Variants in CACHD1 observed in about 807,000 individuals in gnomAD.
The protein encoded by CACHD1 is VWFA and cache domain-containing protein 1.
CACHD1 carries 71 observed loss-of-function variants against 138.7 expected under a neutral mutation model. The ratio of observed to expected loss-of-function variants is 0.51; its 90% CI spans 0.42 to 0.62. The LOEUF (loss-of-function observed/expected upper bound fraction) is 0.62, where lower values mean the gene tolerates loss of function less well. CACHD1 is among the 20% of genes least tolerant of loss of function. CACHD1 has a pLI of 0.00. For synonymous variants in CACHD1, 578 were observed against 591.5 expected, an observed-to-expected ratio of 0.98 and a Z score of 0.33; for missense variants, 1,389 against 1,625.3, an observed-to-expected ratio of 0.85 and a Z score of 2.50.
intron 16 of CACHD1, among the ~76,000 whole-genome samples, chr1:64,667,883 G>A (rs1649687116): frequency 6.6e-6 from 1 of 152,226 alleles, no homozygotes; most frequent in Non-Finnish European, 1.5e-5. Context: ...GGCAAGGGTA[G>A]GGGCAGATGT....
intron 4 of CACHD1, among the ~76,000 whole-genome samples, chr1:64,612,776 G>C (rs1647579138): frequency 6.6e-6 from 1 of 152,228 alleles, no homozygotes; most frequent in Admixed American, 6.5e-5. Flanking sequence ...TGTGCCAGGA[G>C]ATTAATGTTG....
At chr1:64,509,763 A>G (rs984708810) in intron 1 of CACHD1, among the ~76,000 whole-genome samples, 2 of 152,158 alleles carry the variant, frequency 1.3e-5, no homozygotes, top group African/African-American at 4.8e-5. Flanking sequence ...ATATTGTGAC[A>G]TTTGCATCCC....
intron 1 of CACHD1, among the ~76,000 whole-genome samples, chr1:64,534,503 C>A (rs1028844973): frequency 2.6e-5 from 4 of 152,222 alleles, no homozygotes; most frequent in African/African-American, 9.7e-5. Flanking sequence ...CACATCAGGC[C>A]TTAATAATAT....
At chr1:64,546,178 C>T (rs528789749) in intron 1 of CACHD1, among the ~76,000 whole-genome samples, 6 of 152,154 alleles carry the variant, frequency 3.9e-5, no homozygotes, top group South Asian at 4.1e-4. Context: ...TTTAGCCCTC[C>T]GGGGAGTTGG....
Position 64,692,187 on chromosome 1 carries a change from G to A in CACHD1, c.*626G>A, listed in dbSNP as rs1009259742. On this transcript the variant is annotated 3_prime_UTR_variant, in exon 27 of 27. Coordinates refer to ENST00000651257, the MANE Select transcript of CACHD1 (RefSeq NM_020925.4). ...AGGAGAAGTTTTCAGCAGTTGCCCCGAGCTGTTTTGTGTGTAATGAAGTGG... is the reference window on the plus strand; with the variant it reads ...AGGAGAAGTTTTCAGCAGTTGCCCCAAGCTGTTTTGTGTGTAATGAAGTGG... 2.6e-5 allele frequency: 4 copies of A among 153,636 alleles called. No individual in the cohort carries two copies. Among genetic ancestry groups the A allele is most frequent in the South Asian group, 2.0e-4 (1 of 4,892 alleles). 9.5% of individuals were successfully genotyped at this position (153,636 alleles called of 1,614,324 possible).
chr1:64,594,995 T>C (rs571925663), intron 3 of CACHD1, among the ~76,000 whole-genome samples: 1 of 152,358 alleles, frequency 6.6e-6, no homozygotes, highest in South Asian at 2.1e-4. Context: ...ATAGTATTCC[T>C]TTTGTAGAAT....
chr1:64,518,244 G>A (rs945308629), intron 1 of CACHD1, among the ~76,000 whole-genome samples: 1 of 152,092 alleles, frequency 6.6e-6, no homozygotes, highest in African/African-American at 2.4e-5. Context: ...AGCACACATG[G>A]GGATGGAAAA....
chr1:64,612,309 T>C (rs1211382886), intron 4 of CACHD1, among the ~76,000 whole-genome samples: 1 of 152,214 alleles, frequency 6.6e-6, no homozygotes, highest in Non-Finnish European at 1.5e-5. Flanking sequence ...CAATACCATT[T>C]TTGTATGCAT....
intron 3 of CACHD1, among the ~76,000 whole-genome samples, chr1:64,596,078 A>T (rs1012527908): frequency 1.3e-5 from 2 of 152,154 alleles, no homozygotes; most frequent in Non-Finnish European, 2.9e-5. Flanking sequence ...TGGCCCATCT[A>T]TTTAGGTGTT....
intron 15 of CACHD1, 58 bp downstream of exon 15, chr1:64,664,737 G>A (rs1011373752): frequency 1.1e-5 from 17 of 1,518,748 alleles, no homozygotes; most frequent in Non-Finnish European, 1.5e-5. Flanking sequence ...GAGAGACATG[G>A]TAAGTACATA....
chr1:64,567,331 C>A (rs1646890675), intron 2 of CACHD1, among the ~76,000 whole-genome samples: 1 of 151,914 alleles, frequency 6.6e-6, no homozygotes, highest in Admixed American at 6.6e-5. Flanking sequence ...TCTAGTGTGG[C>A]ATTACCTTCA....
In CACHD1 at chr1:64,526,612, A is replaced by G. The variant is rs536196288; in HGVS notation, c.199-23982A>G. ...GGAGAGCATGTCAGGGAAAGAAGCA[A>G]TTAAGTTAAAATTTCAAAATTGATG... On this transcript the variant is annotated intron_variant, in intron 1 of 26. Coordinates refer to ENST00000651257, the MANE Select transcript of CACHD1 (RefSeq NM_020925.4). Among the ~76,000 whole-genome samples the G allele has an allele frequency of 2.0e-5, 3 of 152,342 alleles. No individual in the cohort carries two copies. The East Asian group carries it at 5.8e-4, about 29-fold the overall frequency.
intron 2 of CACHD1, among the ~76,000 whole-genome samples, chr1:64,579,074 G>A (rs912927292): frequency 1.3e-5 from 2 of 152,162 alleles, no homozygotes; most frequent in African/African-American, 4.8e-5. Context: ...AGCAAAGCAG[G>A]CCATACAGAC....
At chr1:64,494,520 G>A (rs948923188) in intron 1 of CACHD1, among the ~76,000 whole-genome samples, 1 of 152,144 alleles carries the variant, frequency 6.6e-6, no homozygotes, top group Non-Finnish European at 1.5e-5. Flanking sequence ...TGGTTCTAAC[G>A]ACAAAGAATT....
intron 16 of CACHD1, among the ~76,000 whole-genome samples, chr1:64,669,307 G>A (rs996074299): frequency 7.2e-5 from 11 of 152,132 alleles, no homozygotes; most frequent in Non-Finnish European, 1.3e-4. Context: ...CCAAATAAAT[G>A]GCAGTTATTT....
chr1:64,542,007 GTTA>G (rs748371616), intron 1 of CACHD1, among the ~76,000 whole-genome samples: 2 of 151,618 alleles, frequency 1.3e-5, no homozygotes, highest in Non-Finnish European at 2.9e-5. Flanking sequence ...TTAATAGAAT[GTTA>G]TTATAGTCTT....
intron 4 of CACHD1, among the ~76,000 whole-genome samples, chr1:64,623,980 T>C (rs1404573251): frequency 6.6e-6 from 1 of 152,222 alleles, no homozygotes. Context: ...ATCCGGTGGC[T>C]AGACACCTAA....
chr1:64,661,539 G>A (rs979628808), intron 13 of CACHD1, among the ~76,000 whole-genome samples: 2 of 152,094 alleles, frequency 1.3e-5, no homozygotes, highest in African/African-American at 4.8e-5. Flanking sequence ...TGAAGTGGGT[G>A]CCTTTGACAC....
intron 2 of CACHD1, among the ~76,000 whole-genome samples, chr1:64,551,055 G>C (rs1025030869): frequency 6.6e-6 from 1 of 152,040 alleles, no homozygotes; most frequent in African/African-American, 2.4e-5. Context: ...TAGCCTTTTT[G>C]AGCTGCAGTT....
Sources: gnomAD v4.1 joint callset for allele counts (sites outside exome capture counted in the v4.1 genomes callset) on GRCh38, gnomAD v4.1.1 for gene constraint, MANE v1.5 for transcripts, NCBI Gene and HGNC (gene_info 2026-07-23, HGNC 2026-07-21) for gene names.